ATXN10: variants seen among roughly 807,000 people sequenced by gnomAD.
ATXN10 encodes the protein ataxin-10.
Under a neutral mutation model 52.9 loss-of-function variants are expected in ATXN10, and 28 were observed. The observed-to-expected ratio is 0.53, with a 90% CI of 0.39 to 0.73. The LOEUF (loss-of-function observed/expected upper bound fraction) is 0.73, where lower values mean the gene tolerates loss of function less well. Among genes scored for constraint, ATXN10 ranks in the 30% least tolerant of loss-of-function variants. The pLI is 0.00. For synonymous variants in ATXN10, 226 were observed against 221.5 expected, an observed-to-expected ratio of 1.02 and a Z score of -0.18; for missense variants, 565 against 577.0, an observed-to-expected ratio of 0.98 and a Z score of 0.21.
chr22:45,684,127 A>T lies in ATXN10; in HGVS notation c.117-5585A>T, dbSNP rs1382516182. ...ACCATCAAGCCCAGCTAATTAAAAC[A>T]AGTTTTTTTGTTTTTTTTTTTTTTG... On this transcript the variant is annotated intron_variant, in intron 1 of 11. Coordinates refer to ENST00000252934, the MANE Select transcript of ATXN10 (RefSeq NM_013236.4). This position sits in a 1 kb window ranked among gnomAD's most constrained non-coding sequence, Gnocchi z 4.1. 4.6e-5 allele frequency among the ~76,000 whole-genome samples: 5 copies of T among 107,652 alleles called. No homozygotes were observed. In the South Asian group the frequency reaches 1.7e-3, roughly 38 times the overall value. The allele number at this position is 107,652 out of a possible 152,430, so 70.6% of individuals were successfully genotyped here. A position where few individuals can be genotyped will look rare whatever the true frequency, so the allele number is the denominator to read the frequency against.
chr22:45,779,313 A>G (rs1390072742), intron 9 of ATXN10, among the ~76,000 whole-genome samples: 1 of 152,184 alleles, frequency 6.6e-6, no homozygotes, highest in African/African-American at 2.4e-5. Context: ...CTCGTATGTA[A>G]GTGGAAGTAT....
At chr22:45,700,472 C>T in intron 4 of ATXN10, 94 bp downstream of exon 4, 1 of 986,234 alleles carries the variant, frequency 1.0e-6, no homozygotes, top group African/African-American at 1.6e-5. Flanking sequence ...AAAAAGTAAC[C>T]CACTGTAATA....
rs1156431221 is a variant in ATXN10 at position 45,816,871 on chromosome 22, C to T, written c.1237+9849C>T. 2.0e-5 allele frequency among the ~76,000 whole-genome samples: 3 copies of T among 152,142 alleles called. No homozygotes were observed. The highest frequency in any genetic ancestry group is 6.5e-5 in the Admixed American group (1 of 15,282). On this transcript the variant is annotated intron_variant, in intron 10 of 11. Coordinates refer to ENST00000252934, the MANE Select transcript of ATXN10 (RefSeq NM_013236.4). The surrounding 1 kb of genome is among the most constrained non-coding windows in gnomAD (Gnocchi z 5.8). Reference sequence around the variant, plus strand: ...AGGAATCTTAGAATAAATGTAGGAACATGTTCTGTTCTGTACTCTTCTTGG... The same window carrying T: ...AGGAATCTTAGAATAAATGTAGGAATATGTTCTGTTCTGTACTCTTCTTGG...
chr22:45,722,491 T>C (rs17651809), intron 6 of ATXN10, among the ~76,000 whole-genome samples: 13,195 of 152,318 alleles, frequency 0.087, 720 homozygotes, highest in Middle Eastern at 0.16. Context: ...GATTCATTTC[T>C]GACTTTGACT....
intron 5 of ATXN10, among the ~76,000 whole-genome samples, chr22:45,706,096 G>A (rs542952586): frequency 6.6e-6 from 1 of 152,204 alleles, no homozygotes; most frequent in South Asian, 2.1e-4. Flanking sequence ...TCCTGAAACC[G>A]TCCCCCCACC....
chr22:45,785,475 TAAGTAG>T (rs1927291635), intron 9 of ATXN10, among the ~76,000 whole-genome samples: 1 of 152,260 alleles, frequency 6.6e-6, no homozygotes, highest in Non-Finnish European at 1.5e-5. Flanking sequence ...AAAAATGCCC[TAAGTAG>T]AAGTACAAAT....
intron 9 of ATXN10, among the ~76,000 whole-genome samples, chr22:45,765,559 T>C (rs1175625471): frequency 6.6e-6 from 1 of 152,166 alleles, no homozygotes; most frequent in Non-Finnish European, 1.5e-5. Context: ...ACCTGCACCT[T>C]GGCATTACCT....
chr22:45,825,962 T>C lies in ATXN10; in HGVS notation c.1238-17029T>C, dbSNP rs1928802118. On this transcript the variant is annotated intron_variant, in intron 10 of 11. Coordinates refer to ENST00000252934, the MANE Select transcript of ATXN10 (RefSeq NM_013236.4). This position sits in a 1 kb window ranked among gnomAD's most constrained non-coding sequence, Gnocchi z 4.5. ...CTGTAGTCCCAGCTACTTGGGAGGC[T>C]GAGGTGGGAGGATGTCTTGAGCCCA... Among the ~76,000 whole-genome samples the C allele has an allele frequency of 6.6e-6, 1 of 152,066 alleles. No individual in the cohort carries two copies. Among genetic ancestry groups the C allele is most frequent in the Non-Finnish European group, 1.5e-5 (1 of 68,002 alleles).
At chr22:45,812,033 T>C (rs1273698817) in intron 10 of ATXN10, among the ~76,000 whole-genome samples, 1 of 152,142 alleles carries the variant, frequency 6.6e-6, no homozygotes, top group Non-Finnish European at 1.5e-5. Flanking sequence ...ACACCTACGT[T>C]TTTGTTTCCG....
Position 45,690,296 on chromosome 22 carries a change from A to AC in ATXN10, c.308+393_308+394insC, listed in dbSNP as rs1923320791. ...GTCTCAGGGAAAAAAAAAAAAAAAA[A>AC]GTTGTTCTGGCATGATAGTATCACC... On this transcript the variant is annotated intron_variant, in intron 2 of 11. Transcript: ENST00000252934. This position sits in a 1 kb window ranked among gnomAD's most constrained non-coding sequence, Gnocchi z 4.5. 6.6e-6 allele frequency among the ~76,000 whole-genome samples: 1 copy of AC among 151,390 alleles called. No homozygotes were observed. Among genetic ancestry groups the AC allele is most frequent in the Non-Finnish European group, 1.5e-5 (1 of 67,848 alleles).
At chr22:45,830,832 A>G (rs1376529134) in intron 10 of ATXN10, among the ~76,000 whole-genome samples, 1 of 152,206 alleles carries the variant, frequency 6.6e-6, no homozygotes, top group Non-Finnish European at 1.5e-5. Context: ...TAGAATTACT[A>G]TATATATGAT....
At position 45,781,471 on chromosome 22, in the gene ATXN10, C is replaced by A. The variant is rs1000199177; in HGVS notation, c.1174-25488C>A. Among the ~76,000 whole-genome samples, 1 of 152,198 alleles carries A rather than the reference C, an allele frequency of 6.6e-6. No homozygotes were observed. The highest frequency in any genetic ancestry group is 2.4e-5 in the African/African-American group (1 of 41,442). On this transcript the variant is annotated intron_variant, in intron 9 of 11. Coordinates refer to ENST00000252934, the MANE Select transcript of ATXN10 (RefSeq NM_013236.4). This position sits in a 1 kb window ranked among gnomAD's most constrained non-coding sequence, Gnocchi z 4.2. ...CAGTAGTGAGCTGCTCTGCCTTCCA[C>A]GTGCTGTTGTTGAACGAGCTCTGCT...
At position 45,702,672 on chromosome 22, in the gene ATXN10, A is replaced by G. The variant is rs781442606; in HGVS notation, c.489-17A>G. Reference sequence around the variant, plus strand: ...GTTACTAAATTGGGCTAACAATCTCATTTCCTTGTTTGGAAGGTCTTGCTT... The same window carrying G: ...GTTACTAAATTGGGCTAACAATCTCGTTTCCTTGTTTGGAAGGTCTTGCTT... On this transcript the variant is annotated splice_polypyrimidine_tract_variant and intron_variant, in intron 4 of 11. Transcript: ENST00000252934. 1.2e-6 allele frequency: 2 copies of G among 1,613,330 alleles called. No homozygotes were observed. Among genetic ancestry groups the G allele is most frequent in the African/African-American group, 2.7e-5 (2 of 74,884 alleles).
intron 5 of ATXN10, among the ~76,000 whole-genome samples, chr22:45,707,150 TA>T (rs1369234976): frequency 5.9e-5 from 9 of 152,156 alleles, no homozygotes; most frequent in Admixed American, 2.6e-4. Flanking sequence ...TCCTGTTTTT[TA>T]AAAAATCTAT....
rs1471000702 is a variant in ATXN10, at chr22:45,805,545, C to T, written c.1174-1414C>T. On this transcript the variant is annotated intron_variant, in intron 9 of 11. Coordinates refer to ENST00000252934, the MANE Select transcript of ATXN10 (RefSeq NM_013236.4). This position sits in a 1 kb window ranked among gnomAD's most constrained non-coding sequence, Gnocchi z 4.4. ...GCCGTGAAAAGAAATGAAGCGCTGA[C>T]ATGCCACAACATGGGTGAACCTTGA... 6.6e-6 allele frequency among the ~76,000 whole-genome samples: 1 copy of T among 152,186 alleles called. No individual in the cohort carries two copies. Among genetic ancestry groups the T allele is most frequent in the Non-Finnish European group, 1.5e-5 (1 of 68,034 alleles).
At chr22:45,720,122 T>G (rs1384964215) in intron 6 of ATXN10, among the ~76,000 whole-genome samples, 3 of 152,222 alleles carry the variant, frequency 2.0e-5, no homozygotes, top group Non-Finnish European at 2.9e-5. Flanking sequence ...TATACTCAGC[T>G]TCTCCACTTT....
intron 5 of ATXN10, among the ~76,000 whole-genome samples, chr22:45,707,478 A>G (rs975254077): frequency 3.3e-5 from 5 of 152,068 alleles, no homozygotes; most frequent in South Asian, 2.1e-4. Flanking sequence ...GACAGGATCA[A>G]TCATTAGAGT....
chr22:45,740,294 C>T (rs1469806591), intron 8 of ATXN10, 75 bp from the exon 9 acceptor site: 52 of 1,414,142 alleles, frequency 3.7e-5, no homozygotes, highest in African/African-American at 7.1e-5. Context: ...TTAGATTTGT[C>T]TATGGAAAAC....
chr22:45,830,995 A>T (rs1372925638), intron 10 of ATXN10, among the ~76,000 whole-genome samples: 1 of 152,234 alleles, frequency 6.6e-6, no homozygotes, highest in African/African-American at 2.4e-5. Flanking sequence ...GATAAACAAA[A>T]TGTGGCCTCT....
Sources: gnomAD v4.1 joint callset for allele counts (sites outside exome capture counted in the v4.1 genomes callset) on GRCh38, gnomAD v4.1.1 for gene constraint, Gnocchi (gnomAD v3.1) non-coding constraint, MANE v1.5 for transcripts, NCBI Gene and HGNC (gene_info 2026-07-23, HGNC 2026-07-21) for gene names.